The following MYLK3 variants were observed in gnomAD, a reference collection of about 807,000 sequenced individuals.
The protein encoded by MYLK3 is myosin light chain kinase 3.
In MYLK3, 55 loss-of-function variants were observed where a neutral mutation model predicts 76.3. The observed-to-expected ratio is 0.72, with a 90% CI of 0.58 to 0.90. The LOEUF is 0.90. MYLK3 is among the 40% of genes least tolerant of loss of function. The pLI is 0.00. For synonymous variants in MYLK3, 416 were observed against 425.4 expected (o/e 0.98, Z 0.27); for missense variants, 973 against 1,053.6 (o/e 0.92, Z 1.06).
chr16:46,740,551 A>ATTT lies in MYLK3; in HGVS notation c.478-407_478-405dup, dbSNP rs869207639. ...TATATACATACATATATATATATAT[A>ATTT]TTTTTTTTTTTTTTTTTTGAGACAA... On this transcript the variant is annotated intron_variant, in intron 1 of 12. Transcript: ENST00000394809. Among the ~76,000 whole-genome samples the ATTT allele has an allele frequency of 8.4e-3, 1,083 of 128,356 alleles. 7 individuals carry two copies. The highest frequency in any genetic ancestry group is 0.013 in the Non-Finnish European group (783 of 62,606). The allele number at this position is 128,356 out of a possible 152,430, so 84.2% of individuals were successfully genotyped here.
intron 8 of MYLK3, among the ~76,000 whole-genome samples, chr16:46,724,681 G>A (rs930047105): frequency 5.9e-5 from 9 of 152,198 alleles, no homozygotes; most frequent in Non-Finnish European, 1.0e-4. Context: ...TTAGTAATAC[G>A]TTGTTTTGGT....
rs187431861 is a variant in MYLK3 at position 46,702,893 on chromosome 16, C to T, written c.*4811G>A. On this transcript the variant is annotated 3_prime_UTR_variant, in exon 13 of 13. Transcript: ENST00000394809. ...CCAAGATTGCGCCACTGCACTCCAG[C>T]CTGGCAACAGAGTGAGACTCCATCT... Among the ~76,000 whole-genome samples, 14 of 149,080 alleles carry T rather than the reference C, an allele frequency of 9.4e-5. No homozygotes were observed. Among genetic ancestry groups the T allele is most frequent in the Middle Eastern group, 6.8e-3 (2 of 292 alleles).
intron 2 of MYLK3, among the ~76,000 whole-genome samples, chr16:46,739,485 C>T (rs749159640): frequency 2.2e-4 from 34 of 152,080 alleles, no homozygotes; most frequent in South Asian, 2.1e-4. Flanking sequence ...TTGAACTGCA[C>T]GGGTTCACTT....
intron 9 of MYLK3, among the ~76,000 whole-genome samples, chr16:46,717,584 C>G (rs1347636100): frequency 1.3e-5 from 2 of 152,188 alleles, no homozygotes; most frequent in African/African-American, 4.8e-5. Flanking sequence ...GCCCATAACT[C>G]ACAGGGCGCC....
chr16:46,729,168 C>A (rs181657117), intron 6 of MYLK3, 35 bp from the exon 7 acceptor site: 6 of 1,553,668 alleles, frequency 3.9e-6, no homozygotes, highest in South Asian at 1.1e-5. Context: ...GATTTCCAAG[C>A]GAATGAGTCA....
At chr16:46,750,374 C>T (rs553614393), upstream of MYLK3, among the ~76,000 whole-genome samples, 12 of 151,180 alleles carry the variant, frequency 7.9e-5, no homozygotes, top group East Asian at 3.9e-4. Context: ...CTCTGGAGAA[C>T]CAGCAACCAG....
intron 1 of MYLK3, among the ~76,000 whole-genome samples, chr16:46,743,795 G>T (rs1480379314): frequency 6.6e-6 from 1 of 152,182 alleles, no homozygotes; most frequent in Non-Finnish European, 1.5e-5. Context: ...AGGGGGAAAA[G>T]ATATGAGCAG....
intron 9 of MYLK3, among the ~76,000 whole-genome samples, chr16:46,716,359 G>T (rs550578820): frequency 1.3e-5 from 2 of 150,664 alleles, no homozygotes; most frequent in South Asian, 2.1e-4. Flanking sequence ...TATATAGCCC[G>T]CATATATATA....
Position 46,730,629 on chromosome 16 carries a change from G to A in MYLK3, c.1532C>T (p.Ala511Val), listed in dbSNP as rs779807650. 16 of 1,613,842 alleles carry A rather than the reference G, an allele frequency of 9.9e-6. No individual in the cohort carries two copies. Among genetic ancestry groups the A allele is most frequent in the Admixed American group, 3.3e-5 (2 of 59,990 alleles). ...VVSVKETSISAGYEVCQHEVL... is the reference protein window; with the variant it reads ...VVSVKETSISVGYEVCQHEVL... ...TTCGTGCTGGCACACCTCGTAACCC[G>A]CAGAGATGGAGGTCTCCTTGACGCT... is the stretch of plus-strand genomic sequence containing the variant. Residue 511 changes from alanine (A) to valine (V), a missense_variant, in exon 5 of 13, where the codon GCG becomes GTG. This residue lies in a region of MYLK3 where 332 missense variants were observed against 416.6 expected (regional missense o/e 0.80). Coordinates refer to ENST00000394809, the MANE Select transcript of MYLK3 (RefSeq NM_182493.3).
intron 8 of MYLK3, among the ~76,000 whole-genome samples, 195 bp from the exon 9 acceptor site, chr16:46,721,388 A>C (rs568229087): frequency 3.3e-5 from 5 of 152,224 alleles, no homozygotes; most frequent in African/African-American, 1.2e-4. Flanking sequence ...GAGTGTGGGG[A>C]ACTGGAGGCT....
At position 46,706,290 on chromosome 16, in the gene MYLK3, ATTC is replaced by A. The variant is rs1434577475; in HGVS notation, c.*1411_*1413del. ...GTGTGTGTATATATACATATACTGT[ATTC>A]TTTTTTTTTTTTTTTTTTGAGACGG... On this transcript the variant is annotated 3_prime_UTR_variant, in exon 13 of 13. Coordinates refer to ENST00000394809, the MANE Select transcript of MYLK3 (RefSeq NM_182493.3). 1 of 145,448 alleles carries A rather than the reference ATTC, an allele frequency of 6.9e-6. No homozygotes were observed. Among genetic ancestry groups the A allele is most frequent in the Non-Finnish European group, 1.5e-5 (1 of 66,102 alleles). 9.0% of individuals were successfully genotyped at this position (145,448 alleles called of 1,614,324 possible). A position where few individuals can be genotyped will look rare whatever the true frequency, so the allele number is the denominator to read the frequency against.
At chr16:46,717,343 T>A (rs1966752122) in intron 9 of MYLK3, among the ~76,000 whole-genome samples, 1 of 152,122 alleles carries the variant, frequency 6.6e-6, no homozygotes, top group Non-Finnish European at 1.5e-5. Context: ...GAAATACAAT[T>A]TGAGAGTTTT....
At chr16:46,739,270 G>A (rs1267977859) in intron 2 of MYLK3, among the ~76,000 whole-genome samples, 1 of 152,164 alleles carries the variant, frequency 6.6e-6, no homozygotes, top group Non-Finnish European at 1.5e-5. Context: ...TACAGGAATG[G>A]ACCATTGCAC....
chr16:46,727,819 G>A (rs1184645323), intron 7 of MYLK3, among the ~76,000 whole-genome samples: 4 of 152,138 alleles, frequency 2.6e-5, no homozygotes, highest in Admixed American at 1.3e-4. Context: ...GAGCCACCCC[G>A]CCGGGCCTGC....
chr16:46,752,815 G>A (rs1232435446), upstream of MYLK3, among the ~76,000 whole-genome samples: 2 of 152,098 alleles, frequency 1.3e-5, no homozygotes, highest in Non-Finnish European at 2.9e-5. Context: ...GGGAGGTTGA[G>A]GCAACAGTGA....
In MYLK3 at chr16:46,727,122, CAG is replaced by C. The variant is rs1350812487; in HGVS notation, c.1914+112_1914+113del. The C allele has an allele frequency of 3.2e-6, 4 of 1,244,024 alleles. No homozygotes were observed. The East Asian group carries it at 9.7e-5, about 30-fold the overall frequency. The allele number at this position is 1,244,024 out of a possible 1,614,324, so 77.1% of individuals were successfully genotyped here. ...CCCAGACTCCAGAACTACAAAATGA[CAG>C]AGAGCCAGGAATGGAAGCTGGGACT... On this transcript the variant is annotated intron_variant, in intron 8 of 12. Coordinates refer to ENST00000394809, the MANE Select transcript of MYLK3 (RefSeq NM_182493.3).
At chr16:46,757,826 A>C (rs1175301622) in intron 1 of MYLK3, among the ~76,000 whole-genome samples, 2 of 152,200 alleles carry the variant, frequency 1.3e-5, no homozygotes, top group African/African-American at 4.8e-5. Flanking sequence ...GGAGGAATGA[A>C]GGGAGGGAGT....
intron 1 of MYLK3, among the ~76,000 whole-genome samples, chr16:46,761,035 G>T: frequency 6.6e-6 from 1 of 152,192 alleles, no homozygotes; most frequent in East Asian, 1.9e-4. Flanking sequence ...TCAGCCACAT[G>T]GTGCCAGCGA....
intron 10 of MYLK3, 120 bp downstream of exon 10, chr16:46,712,528 G>A: frequency 1.1e-6 from 1 of 883,314 alleles, no homozygotes; most frequent in Non-Finnish European, 1.6e-6. Context: ...CCTCTATTGG[G>A]GTTTCCTGGG....
Sources: gnomAD v4.1 joint callset for allele counts (sites outside exome capture counted in the v4.1 genomes callset) on GRCh38, gnomAD v4.1.1 for gene constraint, gnomAD v4.1.1 regional missense constraint, MANE v1.5 for transcripts, NCBI Gene and HGNC (gene_info 2026-07-23, HGNC 2026-07-21) for gene names.